Variants in LBX2 observed in about 807,000 individuals in gnomAD.
The protein encoded by LBX2 is ladybird homeobox 2.
In LBX2, 6 loss-of-function variants were observed where a neutral mutation model predicts 7.5. The ratio of observed to expected loss-of-function variants is 0.80; its 90% CI spans 0.44 to 1.59. LBX2 has a LOEUF of 1.59. Ranked by LOEUF, LBX2 falls within the 40% of genes most tolerant of loss-of-function variation. The pLI, the probability that LBX2 is intolerant of heterozygous loss-of-function variation, is 0.01. For synonymous variants in LBX2, 143 were observed against 133.2 expected, an observed-to-expected ratio of 1.07 and a Z score of -0.51; for missense variants, 281 against 282.0, an observed-to-expected ratio of 1.00 and a Z score of 0.03.
chr2:74,497,962 GGGGCCGGGAGTCA>G lies in LBX2; in HGVS notation c.549_561del (p.Asp184ThrfsTer125). The G allele has an allele frequency of 3.8e-6, 6 of 1,598,320 alleles. No homozygotes were observed. The highest frequency in any genetic ancestry group is 5.1e-6 in the Non-Finnish European group (6 of 1,170,330). On this transcript the variant is annotated frameshift_variant, in exon 2 of 2. Coordinates refer to ENST00000377566, the MANE Select transcript of LBX2 (RefSeq NM_001282430.2). LOFTEE classifies it high-confidence loss of function. ...ACCTGTATCTCCTCGTCTGACAGGT[GGGGCCGGGAGTCA>G]GGGCCGGCAGGGCCGAGGCAGAGGC...
upstream of LBX2, among the ~76,000 whole-genome samples, chr2:74,501,134 C>T (rs1674476540): frequency 2.0e-5 from 3 of 152,102 alleles, no homozygotes; most frequent in South Asian, 2.1e-4. Context: ...CTCCCCCACC[C>T]GCAACATTCA....
Position 74,497,892 on chromosome 2 carries a change from G to A in LBX2, c.*35C>T, listed in dbSNP as rs1227511515. 2 of 1,506,342 alleles carry A rather than the reference G, an allele frequency of 1.3e-6. No homozygotes were observed. The highest frequency in any genetic ancestry group is 1.8e-6 in the Non-Finnish European group (2 of 1,127,542). 93.3% of individuals were successfully genotyped at this position (1,506,342 alleles called of 1,614,324 possible). A position where few individuals can be genotyped will look rare whatever the true frequency, so the allele number is the denominator to read the frequency against. On this transcript the variant is annotated 3_prime_UTR_variant, in exon 2 of 2. Coordinates refer to ENST00000377566, the MANE Select transcript of LBX2 (RefSeq NM_001282430.2). ...GCAGAGCGCGAGGTGAGGAGTCCAG[G>A]GCCCCAGAGCCCAGGATTGGCGGCG...
Position 74,498,085 on chromosome 2 carries a change from TCTC to T in LBX2, c.436_438del (p.Glu146del). 3.7e-6 allele frequency: 6 copies of T among 1,613,392 alleles called. No individual in the cohort carries two copies. The highest frequency in any genetic ancestry group is 4.2e-6 in the Non-Finnish European group (5 of 1,179,810). On this transcript the variant is annotated inframe_deletion, in exon 2 of 2. Coordinates refer to ENST00000377566, the MANE Select transcript of LBX2 (RefSeq NM_001282430.2). ...CGTAGCGAGGCGACGTCGGCGCGCA[TCTC>T]CTCCACATCGCGCTTGAGCTTGGCT...
chr2:74,498,288 C>A lies in LBX2; in HGVS notation c.236G>T (p.Gly79Val), dbSNP rs1001612185. The A allele has an allele frequency of 8.9e-6, 14 of 1,568,592 alleles. No individual in the cohort carries two copies. The highest frequency in any genetic ancestry group is 1.2e-5 in the Non-Finnish European group (14 of 1,160,820). The change falls in exon 2 of 2, where the codon GGT (glycine) becomes GTT (valine). Residue 79 changes from glycine (G) to valine (V), a missense_variant. Around this residue, in one of 3 missense-constraint regions of LBX2, gnomAD observed 216 missense variants for 208.7 expected, o/e 1.03. Transcript: ENST00000377566. ...CTTGCGCCGTTTGCGGCCGAAGGGA[C>A]CAGGGCCCAGCGCGTCCGGACCTGC... The part of the protein sequence containing the change: ...GRAGPDALGP[G>V]PFGRKRRKSR...
Position 74,499,476 on chromosome 2 carries a change from G to A in LBX2, c.62C>T (p.Ala21Val). The stretch of plus-strand genomic sequence containing the variant: ...GGGTGCTCGGGGGACCATGCGCGGG[G>A]CTAGGATGTCTGCGATGCTTAAGAG... ...RTLLSIADIL[A>V]PRMVPRAPSA... The change falls in exon 1 of 2, where the codon GCC (alanine) becomes GTC (valine). Residue 21 changes from alanine (A) to valine (V), a missense_variant. Coordinates refer to ENST00000377566, the MANE Select transcript of LBX2 (RefSeq NM_001282430.2). The surrounding 1 kb of genome is among the most constrained non-coding windows in gnomAD (Gnocchi z 4.6). 1 of 1,550,520 alleles carries A rather than the reference G, an allele frequency of 6.4e-7. No individual in the cohort carries two copies. The highest frequency in any genetic ancestry group is 8.7e-7 in the Non-Finnish European group (1 of 1,146,954).
upstream of LBX2, chr2:74,502,487 C>T (rs1674515030): frequency 1.6e-6 from 1 of 634,448 alleles, no homozygotes; most frequent in Admixed American, 3.0e-5. This position sits in a 1 kb window ranked among gnomAD's most constrained non-coding sequence, Gnocchi z 5.4. Context: ...TCCCCTCCTC[C>T]CCACCCTTAG....
At chr2:74,498,611 C>T in intron 1 of LBX2, 2 of 449,568 alleles carry the variant, frequency 4.4e-6, no homozygotes, top group South Asian at 8.3e-5. Flanking sequence ...GTCAAACCTT[C>T]TGGGGTGGAG....
At chr2:74,503,078 C>G, upstream of LBX2, 1 of 507,718 alleles carries the variant, frequency 2.0e-6, no homozygotes, top group Non-Finnish European at 3.4e-6. The surrounding 1 kb of genome is among the most constrained non-coding windows in gnomAD (Gnocchi z 5.1). Context: ...CAGACGGCGC[C>G]CTGGGGTGGT....
At chr2:74,502,980 GA>G, upstream of LBX2, 1 of 858,618 alleles carries the variant, frequency 1.2e-6, no homozygotes, top group Non-Finnish European at 1.8e-6. This position sits in a 1 kb window ranked among gnomAD's most constrained non-coding sequence, Gnocchi z 5.4. Context: ...CGGGGGTGAG[GA>G]AGGTGGGCAG....
chr2:74,498,355 G>A (rs1674407929), intron 1 of LBX2, 37 bp from the exon 2 acceptor site: 1 of 1,461,352 alleles, frequency 6.8e-7, no homozygotes, highest in Non-Finnish European at 9.0e-7. Context: ...TCCAGCCTCC[G>A]GGAATCAGGC....
rs528320311 is a variant in LBX2 at position 74,498,683 on chromosome 2, C to A, written c.206-365G>T. 2.3e-5 allele frequency: 6 copies of A among 266,282 alleles called. No homozygotes were observed. The East Asian group carries it at 3.0e-4, about 13-fold the overall frequency. 16.5% of individuals were successfully genotyped at this position (266,282 alleles called of 1,614,324 possible). A position where few individuals can be genotyped will look rare whatever the true frequency, so the allele number is the denominator to read the frequency against. On this transcript the variant is annotated intron_variant, in intron 1 of 1. Transcript: ENST00000377566. ...TATAAGTTGAGGGTGACATCAGAGG[C>A]GAGTAAGAGTCAGGGCAGCCGACCC...
chr2:74,501,683 G>A (rs1389711028), upstream of LBX2: 2 of 152,376 alleles, frequency 1.3e-5, no homozygotes, highest in African/African-American at 4.8e-5. Context: ...GGACAGCAGA[G>A]GCCCCTCTAA....
Position 74,497,588 on chromosome 2 carries a change from T to TAA in LBX2, c.*337_*338dup. 13 of 209,092 alleles carry TAA rather than the reference T, an allele frequency of 6.2e-5. No homozygotes were observed. Among genetic ancestry groups the TAA allele is most frequent in the Middle Eastern group, 1.7e-3 (1 of 602 alleles). 13.0% of individuals were successfully genotyped at this position (209,092 alleles called of 1,614,324 possible). ...GGACAACATAGCGGGACCTCCTCTCTAAAAAAAAAAGTTTTTTAAATTAGC... is the reference window on the plus strand; with the variant it reads ...GGACAACATAGCGGGACCTCCTCTCTAAAAAAAAAAAAGTTTTTTAAATTAGC... On this transcript the variant is annotated 3_prime_UTR_variant, in exon 2 of 2. Coordinates refer to ENST00000377566, the MANE Select transcript of LBX2 (RefSeq NM_001282430.2).
Position 74,499,266 on chromosome 2 carries a change from G to T in LBX2, c.205+67C>A. On this transcript the variant is annotated intron_variant, in intron 1 of 1. Coordinates refer to ENST00000377566, the MANE Select transcript of LBX2 (RefSeq NM_001282430.2). This position sits in a 1 kb window ranked among gnomAD's most constrained non-coding sequence, Gnocchi z 4.6. Reference sequence around the variant, plus strand: ...CTGGGCTGGGACAAAGGTTTGAGACGGGGAACCAGGAGGAGAGAGGTGAGG... The same window carrying T: ...CTGGGCTGGGACAAAGGTTTGAGACTGGGAACCAGGAGGAGAGAGGTGAGG... 7.2e-7 allele frequency: 1 copy of T among 1,390,066 alleles called. No homozygotes were observed. The highest frequency in any genetic ancestry group is 1.0e-6 in the Non-Finnish European group (1 of 1,003,500). The allele number at this position is 1,390,066 out of a possible 1,614,324, so 86.1% of individuals were successfully genotyped here.
At chr2:74,499,941 C>T (rs1674450609), upstream of LBX2, among the ~76,000 whole-genome samples, 1 of 152,220 alleles carries the variant, frequency 6.6e-6, no homozygotes, top group Admixed American at 6.5e-5. This position sits in a 1 kb window ranked among gnomAD's most constrained non-coding sequence, Gnocchi z 4.6. Context: ...ATAAAATTGC[C>T]TTCTCTGGCC....
rs750215082 is a variant in LBX2 at position 74,497,960 on chromosome 2, G to A, written c.564C>T (p.His188=). 2 of 1,598,182 alleles carry A rather than the reference G, an allele frequency of 1.3e-6. No homozygotes were observed. Among genetic ancestry groups the A allele is most frequent in the Non-Finnish European group, 1.7e-6 (2 of 1,170,214 alleles). ...LGPAGPDSRP[H]LSDEEIQVDD is the part of the protein sequence containing the mutation. ...CCACCTGTATCTCCTCGTCTGACAG[G>A]TGGGGCCGGGAGTCAGGGCCGGCAG... is the stretch of plus-strand genomic sequence containing the variant. Residue 188 remains histidine, a synonymous_variant, in exon 2 of 2, where the codon CAC becomes CAT. Coordinates refer to ENST00000377566, the MANE Select transcript of LBX2 (RefSeq NM_001282430.2).
chr2:74,499,615 A>T, upstream of LBX2: 1 of 1,435,510 alleles, frequency 7.0e-7, no homozygotes, highest in Non-Finnish European at 9.3e-7. The surrounding 1 kb of genome is among the most constrained non-coding windows in gnomAD (Gnocchi z 4.6). Context: ...CTCGGCTCCC[A>T]ATCCGGGCCC....
chr2:74,497,980 C>G lies in LBX2; in HGVS notation c.544G>C (p.Gly182Arg), dbSNP rs1674392311. 1 of 1,605,418 alleles carries G rather than the reference C, an allele frequency of 6.2e-7. No individual in the cohort carries two copies. Among genetic ancestry groups the G allele is most frequent in the Non-Finnish European group, 8.5e-7 (1 of 1,174,120 alleles). The change falls in exon 2 of 2, where the codon GGC becomes CGC. Residue 182 changes from glycine to arginine, a missense_variant. Transcript: ENST00000377566. ...GACAGGTGGGGCCGGGAGTCAGGGC[C>G]GGCAGGGCCGAGGCAGAGGCCGGGA... Reference protein sequence around the residue: ...PDPGLCLGPAGPDSRPHLSDE... With the variant: ...PDPGLCLGPARPDSRPHLSDE...
At chr2:74,502,529 TG>T, upstream of LBX2, 1 of 809,612 alleles carries the variant, frequency 1.2e-6, no homozygotes, top group Non-Finnish European at 2.0e-6. The surrounding 1 kb of genome is among the most constrained non-coding windows in gnomAD (Gnocchi z 5.4). Context: ...GAGAGGGCAG[TG>T]GGAGTTCAGG....
Sources: gnomAD v4.1 joint callset for allele counts (sites outside exome capture counted in the v4.1 genomes callset) on GRCh38, gnomAD v4.1.1 for gene constraint, gnomAD v4.1.1 regional missense constraint, Gnocchi (gnomAD v3.1) non-coding constraint, MANE v1.5 for transcripts, NCBI Gene and HGNC (gene_info 2026-07-23, HGNC 2026-07-21) for gene names.